The following ZNF131 variants were observed in gnomAD, a reference collection of about 807,000 sequenced individuals.
The protein encoded by ZNF131 is zinc finger protein 131.
In ZNF131, 7 loss-of-function variants were observed where a neutral mutation model predicts 60.0. The ratio of observed to expected loss-of-function variants is 0.12; its 90% CI spans 0.07 to 0.22. ZNF131 has a LOEUF of 0.22. Ranked by LOEUF, ZNF131 falls within the 10% of genes least tolerant of loss-of-function variation. The pLI is 1.00. For synonymous variants in ZNF131, 257 were observed against 253.2 expected (o/e 1.01, Z -0.14); for missense variants, 493 against 740.9 (o/e 0.67, Z 3.88).
chr5:43,176,312 T>G lies in ZNF131; in HGVS notation c.*1179T>G, dbSNP rs1375111376. The G allele has an allele frequency of 6.6e-6, 1 of 152,194 alleles. No individual in the cohort carries two copies. Among genetic ancestry groups the G allele is most frequent in the Non-Finnish European group, 1.5e-5 (1 of 68,028 alleles). The allele number at this position is 152,194 out of a possible 1,614,324, so 9.4% of individuals were successfully genotyped here. A position where few individuals can be genotyped will look rare whatever the true frequency, so the allele number is the denominator to read the frequency against. On this transcript the variant is annotated 3_prime_UTR_variant, in exon 7 of 7. Transcript: ENST00000682664. ...GTTCTTTACATTTTTTAAGTAAACT[T>G]TAAAATTATGTGTTCATGACTCTTT...
rs765959932 is a variant in ZNF131, at chr5:43,130,263, C to CAAAAAAAAAAAAAAAAAAAAAAAAAAAA, written c.226+6953_226+6954insAAAAAAAAAAAAAAAAAAAAAAAAAAAA. Among the ~76,000 whole-genome samples, 123 of 33,112 alleles carry CAAAAAAAAAAAAAAAAAAAAAAAAAAAA rather than the reference C, an allele frequency of 3.7e-3. 27 individuals are homozygous for CAAAAAAAAAAAAAAAAAAAAAAAAAAAA. Among genetic ancestry groups the CAAAAAAAAAAAAAAAAAAAAAAAAAAAA allele is most frequent in the Non-Finnish European group, 5.3e-3 (103 of 19,558 alleles). The allele number at this position is 33,112 out of a possible 152,430, so 21.7% of individuals were successfully genotyped here. On this transcript the variant is annotated intron_variant, in intron 3 of 6. Transcript: ENST00000682664. ...TGAGCGATAGAGTAAGACTCTGTCT[C>CAAAAAAAAAAAAAAAAAAAAAAAAAAAA]CAAAAAAAAAAAAAAAAAAGAGGAA...
intron 3 of ZNF131, among the ~76,000 whole-genome samples, chr5:43,126,240 A>C (rs1744533102): frequency 6.6e-6 from 1 of 152,208 alleles, no homozygotes; most frequent in Non-Finnish European, 1.5e-5. Flanking sequence ...TTGTTACAAA[A>C]CTGGATGCTG....
intron 3 of ZNF131, among the ~76,000 whole-genome samples, chr5:43,133,627 A>G (rs1467438266): frequency 6.6e-6 from 1 of 152,246 alleles, no homozygotes; most frequent in African/African-American, 2.4e-5. Flanking sequence ...ATGAATTGTC[A>G]TTATCAGAAT....
chr5:43,173,277 T>A (rs756669938), intron 5 of ZNF131, 41 bp from the exon 6 acceptor site: 2 of 1,490,596 alleles, frequency 1.3e-6, no homozygotes, highest in South Asian at 2.8e-5. Flanking sequence ...CTCTTAGGAT[T>A]TTTCTTAATT....
intron 5 of ZNF131, chr5:43,168,072 C>A (rs1561446883): frequency 5.0e-6 from 2 of 396,578 alleles, no homozygotes; most frequent in Non-Finnish European, 1.0e-5. Flanking sequence ...TCTTACTCTT[C>A]TTTTAAAGCC....
chr5:43,166,894 G>A (rs1164253290), intron 5 of ZNF131, among the ~76,000 whole-genome samples: 5 of 152,052 alleles, frequency 3.3e-5, no homozygotes, highest in Non-Finnish European at 7.4e-5. Context: ...TCCTGAGCTC[G>A]TGATCCACCC....
rs551832075 is a variant in ZNF131 at position 43,174,890 on chromosome 5, G to T, written c.1629G>T (p.Leu543=). 1 of 1,614,054 alleles carries T rather than the reference G, an allele frequency of 6.2e-7. No individual in the cohort carries two copies. The highest frequency in any genetic ancestry group is 8.5e-7 in the Non-Finnish European group (1 of 1,180,054). Residue 543 remains leucine (L), a synonymous_variant, in exon 7 of 7, where the codon CTG becomes CTT. Transcript: ENST00000682664. ...EEGTEVHVEE[L]HVERVNQMPV... is the part of the protein sequence containing the mutation. ...GTACTGAAGTACATGTAGAGGAGCT[G>T]CATGTTGAACGGGTCAATCAAATGC...
rs755664370 is a variant in ZNF131, at chr5:43,175,642, C to T, written c.*509C>T. 1.5e-5 allele frequency: 7 copies of T among 467,830 alleles called. No homozygotes were observed. Among genetic ancestry groups the T allele is most frequent in the South Asian group, 2.6e-5 (1 of 37,956 alleles). The allele number at this position is 467,830 out of a possible 1,614,324, so 29.0% of individuals were successfully genotyped here. ...TCTGGCTTTCTTTAGTTTGAACAAA[C>T]GTTCTTGTCTACCCCAGTAGTCACA... On this transcript the variant is annotated 3_prime_UTR_variant, in exon 7 of 7. Transcript: ENST00000682664.
At chr5:43,133,120 A>G (rs1485506942) in intron 3 of ZNF131, among the ~76,000 whole-genome samples, 1 of 152,302 alleles carries the variant, frequency 6.6e-6, no homozygotes, top group Non-Finnish European at 1.5e-5. Flanking sequence ...CTTTAGGACT[A>G]AATTTTAAAC....
chr5:43,156,971 T>TCG (rs35097383), intron 4 of ZNF131, among the ~76,000 whole-genome samples: 14,742 of 152,208 alleles, frequency 0.097, 847 homozygotes, highest in East Asian at 0.19. Flanking sequence ...AGGGAGCTTT[T>TCG]CAGCAGCATT....
intron 3 of ZNF131, among the ~76,000 whole-genome samples, chr5:43,136,158 A>G (rs748000871): frequency 2.6e-5 from 4 of 152,212 alleles, no homozygotes; most frequent in African/African-American, 4.8e-5. Flanking sequence ...CTGAGCATCA[A>G]CATGACTCAA....
At chr5:43,167,153 G>C (rs574169049) in intron 5 of ZNF131, among the ~76,000 whole-genome samples, 51 of 152,282 alleles carry the variant, frequency 3.3e-4, no homozygotes, top group Non-Finnish European at 4.9e-4. Flanking sequence ...TGTGGGTTCA[G>C]GGCACCCCAA....
At position 43,158,652 on chromosome 5, in the gene ZNF131, A is replaced by G. The variant is rs149866546; in HGVS notation, c.372-2597A>G. On this transcript the variant is annotated intron_variant, in intron 4 of 6. Coordinates refer to ENST00000682664, the MANE Select transcript of ZNF131 (RefSeq NM_001330707.2). ...TTCCAAATAAGGCCTATTCACAGAT[A>G]TTAGGGGCCAAGACTTCAACATACC... Among the ~76,000 whole-genome samples, 109 of 152,342 alleles carry G rather than the reference A, an allele frequency of 7.2e-4. 1 individual carries two copies. Among genetic ancestry groups the G allele is most frequent in the African/African-American group, 2.5e-3 (102 of 41,588 alleles).
At chr5:43,128,656 C>T (rs10473300) in intron 3 of ZNF131, among the ~76,000 whole-genome samples, 761 of 70,202 alleles carry the variant, frequency 0.011, 66 homozygotes, top group African/African-American at 0.04. Flanking sequence ...GACTCCATCT[C>T]AAAAAAAAAA....
chr5:43,133,073 A>G (rs756488590), intron 3 of ZNF131, among the ~76,000 whole-genome samples: 36 of 152,170 alleles, frequency 2.4e-4, no homozygotes, highest in Non-Finnish European at 5.1e-4. Context: ...GACTGAACCA[A>G]TAATATATAG....
chr5:43,168,316 G>T (rs1315895180), intron 5 of ZNF131, among the ~76,000 whole-genome samples: 1 of 152,234 alleles, frequency 6.6e-6, no homozygotes, highest in Non-Finnish European at 1.5e-5. Context: ...AAAGGAGTTA[G>T]CCTCGAAACA....
intron 2 of ZNF131, 49 bp from the exon 3 acceptor site, chr5:43,123,140 TATTTTGTAGTTATACATTTG>T: frequency 7.9e-7 from 1 of 1,261,636 alleles, no homozygotes; most frequent in South Asian, 1.4e-5. Flanking sequence ...TTTTTAAGTC[TATTTTGTAGTTATACATTTG>T]ATTTTCGTGC....
intron 4 of ZNF131, among the ~76,000 whole-genome samples, chr5:43,146,001 C>T (rs1194706824): frequency 3.9e-5 from 6 of 151,992 alleles, no homozygotes; most frequent in African/African-American, 9.7e-5. Flanking sequence ...ATATTAATGG[C>T]GTAAATATTT....
chr5:43,127,086 T>C (rs1309269070), intron 3 of ZNF131, among the ~76,000 whole-genome samples: 5 of 152,174 alleles, frequency 3.3e-5, no homozygotes, highest in Non-Finnish European at 5.9e-5. Flanking sequence ...AGAGTCCTTG[T>C]ATATTTGCTT....
Sources: allele counts gnomAD v4.1 joint callset (sites outside exome capture counted in the v4.1 genomes callset), GRCh38; gene constraint gnomAD v4.1.1; transcripts MANE v1.5; gene names NCBI Gene and HGNC (gene_info 2026-07-23, HGNC 2026-07-21).